ZMIZ2: variants seen among roughly 807,000 people sequenced by gnomAD.
The protein encoded by ZMIZ2 is zinc finger MIZ-type containing 2, also known as zinc finger MIZ domain-containing protein 2.
ZMIZ2 carries 26 observed loss-of-function variants against 93.9 expected under a neutral mutation model. That is an observed-to-expected ratio of 0.28 (90% CI 0.20 to 0.38). ZMIZ2 has a LOEUF of 0.38. Ranked by LOEUF, ZMIZ2 falls within the 10% of genes least tolerant of loss-of-function variation. ZMIZ2 has a pLI of 1.00. For synonymous variants in ZMIZ2, 485 were observed against 516.4 expected, an observed-to-expected ratio of 0.94 and a Z score of 0.82; for missense variants, 1,023 against 1,235.0, an observed-to-expected ratio of 0.83 and a Z score of 2.57.
Position 44,763,580 on chromosome 7 carries a change from A to C in ZMIZ2, c.1860+167A>C, listed in dbSNP as rs983862362. 67 of 826,164 alleles carry C rather than the reference A, an allele frequency of 8.1e-5. No individual in the cohort carries two copies. Among genetic ancestry groups the C allele is most frequent in the Non-Finnish European group, 2.6e-5 (14 of 544,954 alleles). The allele number at this position is 826,164 out of a possible 1,614,324, so 51.2% of individuals were successfully genotyped here. A position where few individuals can be genotyped will look rare whatever the true frequency, so the allele number is the denominator to read the frequency against. On this transcript the variant is annotated intron_variant, in intron 13 of 18. Coordinates refer to ENST00000309315, the MANE Select transcript of ZMIZ2 (RefSeq NM_031449.4). This position sits in a 1 kb window ranked among gnomAD's most constrained non-coding sequence, Gnocchi z 5.6. ...GAGGCAGGTGGGCCTGGCTCCCCCA[A>C]GACTAGGCTATTTTTTCTTCCAAAT...
intron 6 of ZMIZ2, 95 bp from the exon 7 acceptor site, chr7:44,759,186 C>A (rs1039103633): frequency 1.1e-5 from 13 of 1,214,880 alleles, no homozygotes; most frequent in Admixed American, 3.0e-5. Flanking sequence ...AATCTCCATT[C>A]CCCGAACCCT....
intron 6 of ZMIZ2, 141 bp downstream of exon 6, chr7:44,758,249 G>A: frequency 1.7e-6 from 2 of 1,144,136 alleles, no homozygotes; most frequent in South Asian, 2.3e-5. Flanking sequence ...GGAAACCAAG[G>A]AGGGTGGATC....
At chr7:44,751,403 G>GTGCTGCAGTTGGGGAGC (rs1311430064) in intron 1 of ZMIZ2, among the ~76,000 whole-genome samples, 2 of 152,250 alleles carry the variant, frequency 1.3e-5, no homozygotes, top group Non-Finnish European at 2.9e-5. Flanking sequence ...TGGTTTTGAT[G>GTGCTGCAGTTGGGGAGC]TGCTGCAGTT....
At position 44,766,316 on chromosome 7, in the gene ZMIZ2, G is replaced by A. The variant is rs1791702623; in HGVS notation, c.2395G>A (p.Ala799Thr). The change falls in exon 17 of 19, where the codon GCC (alanine) becomes ACC (threonine). Residue 799 changes from alanine to threonine, a missense_variant. Ala to Thr is a moderately conservative substitution (Grantham distance 58). Around this residue, in one of 3 missense-constraint regions of ZMIZ2, gnomAD observed 319 missense variants for 358.8 expected, o/e 0.89. Transcript: ENST00000309315. This position sits in a 1 kb window ranked among gnomAD's most constrained non-coding sequence, Gnocchi z 4.4. The part of the protein sequence containing the change: ...SSLLTSEKST[A>T]CLPSQMAPAG... ...CCTCCTGACTTCAGAGAAGTCTACC[G>A]CCTGCCTCCCAAGCCAGGTCAGTGC... 6.3e-6 allele frequency: 10 copies of A among 1,593,312 alleles called. No individual in the cohort carries two copies. Among genetic ancestry groups the A allele is most frequent in the South Asian group, 5.7e-5 (5 of 87,662 alleles).
rs768395761 is a variant in ZMIZ2 at position 44,767,625 on chromosome 7, C to T, written c.*2C>T. On this transcript the variant is annotated 3_prime_UTR_variant, in exon 19 of 19. Coordinates refer to ENST00000309315, the MANE Select transcript of ZMIZ2 (RefSeq NM_031449.4). ...CTTTCTCTGTTTGAGAACAACTGAT[C>T]CTGTGTTTACCCCAAGCCCGGCGGG... 2.5e-6 allele frequency: 4 copies of T among 1,613,610 alleles called. No homozygotes were observed. The Admixed American group carries it at 6.7e-5, about 27-fold the overall frequency.
Position 44,766,529 on chromosome 7 carries a change from C to A in ZMIZ2, c.2521C>A (p.Pro841Thr). 2 of 1,614,122 alleles carry A rather than the reference C, an allele frequency of 1.2e-6. No homozygotes were observed. The highest frequency in any genetic ancestry group is 4.5e-5 in the East Asian group (2 of 44,880). Reference sequence around the variant, plus strand: ...TCCCCAGCTGCACCATTCAAACCCTCCCCCAGCGTCCCGGCAGTCCTTGGG... The same window carrying A: ...TCCCCAGCTGCACCATTCAAACCCTACCCCAGCGTCCCGGCAGTCCTTGGG... ...PGPQLHHSNP[P>T]PASRQSLGQA... Residue 841 changes from proline (P) to threonine (T), a missense_variant, in exon 18 of 19, where the codon CCC becomes ACC. Pro to Thr is a conservative substitution (Grantham distance 38). This residue lies in a region of ZMIZ2 where 319 missense variants were observed against 358.8 expected (regional missense o/e 0.89). Coordinates refer to ENST00000309315, the MANE Select transcript of ZMIZ2 (RefSeq NM_031449.4). The surrounding 1 kb of genome is among the most constrained non-coding windows in gnomAD (Gnocchi z 4.4).
rs750835591 is a variant in ZMIZ2 at position 44,763,275 on chromosome 7, C to A, written c.1722C>A (p.Ser574Arg). 1 of 1,613,982 alleles carries A rather than the reference C, an allele frequency of 6.2e-7. No homozygotes were observed. The change falls in exon 13 of 19, where the codon AGC becomes AGA. Residue 574 changes from serine to arginine, a missense_variant. By Grantham distance (110) the Ser-to-Arg change is moderately radical. This residue lies in a region of ZMIZ2 where 656 missense variants were observed against 777.1 expected (regional missense o/e 0.84). Coordinates refer to ENST00000309315, the MANE Select transcript of ZMIZ2 (RefSeq NM_031449.4). This position sits in a 1 kb window ranked among gnomAD's most constrained non-coding sequence, Gnocchi z 5.6. ...CITKIKRNFS[S>R]GTIPGTPGPN... is the part of the protein sequence containing the mutation. Reference sequence around the variant, plus strand: ...TGTCAGTAAAGCGGAACTTCAGCAGCGGCACCATCCCTGGCACCCCTGGGC... The same window carrying A: ...TGTCAGTAAAGCGGAACTTCAGCAGAGGCACCATCCCTGGCACCCCTGGGC...
At position 44,760,436 on chromosome 7, in the gene ZMIZ2, C is replaced by T; in HGVS notation, c.1083C>T (p.Ser361=). ...SQPGLSGPTR[S]IPGYPSSPLP... is the part of the protein sequence containing the mutation. ...GCTCAACCCTACAGCCTACCCGTTC[C>T]ATCCCGGGCTATCCCAGTTCCCCAC... is the stretch of plus-strand genomic sequence containing the variant. The change falls in exon 9 of 19, where the codon TCC becomes TCT. Residue 361 remains serine, a synonymous_variant. Transcript: ENST00000309315. The T allele has an allele frequency of 6.2e-7, 1 of 1,614,044 alleles. No homozygotes were observed. The highest frequency in any genetic ancestry group is 8.5e-7 in the Non-Finnish European group (1 of 1,179,960).
At chr7:44,759,615 A>C in intron 7 of ZMIZ2, 155 bp downstream of exon 7, 10 of 140,198 alleles carry the variant, frequency 7.1e-5, no homozygotes, top group South Asian at 1.3e-4. Context: ...ACAGCTCTAC[A>C]GGAGATGGGG....
At chr7:44,755,048 C>T (rs1288772932) in intron 1 of ZMIZ2, among the ~76,000 whole-genome samples, 1 of 152,138 alleles carries the variant, frequency 6.6e-6, no homozygotes, top group Non-Finnish European at 1.5e-5. Flanking sequence ...GAAGGCGTGG[C>T]ACTCAGAAGC....
In ZMIZ2 at chr7:44,765,915, G is replaced by C; in HGVS notation, c.2243-249G>C. On this transcript the variant is annotated intron_variant, in intron 16 of 18. Transcript: ENST00000309315. The surrounding 1 kb of genome is among the most constrained non-coding windows in gnomAD (Gnocchi z 4.1). Reference sequence around the variant, plus strand: ...GGGACCCACCTCACACGCGTGGTGCGTTTGTTTGTGGCTGCTCCCATTCCT... The same window carrying C: ...GGGACCCACCTCACACGCGTGGTGCCTTTGTTTGTGGCTGCTCCCATTCCT... 1 of 1,392,574 alleles carries C rather than the reference G, an allele frequency of 7.2e-7. No homozygotes were observed. The highest frequency in any genetic ancestry group is 9.3e-7 in the Non-Finnish European group (1 of 1,077,394). 86.3% of individuals were successfully genotyped at this position (1,392,574 alleles called of 1,614,324 possible).
chr7:44,758,913 C>CA (rs898517700), intron 6 of ZMIZ2, among the ~76,000 whole-genome samples: 1,227 of 77,380 alleles, frequency 0.016, 27 homozygotes, highest in African/African-American at 0.032. Context: ...GACTCCATCT[C>CA]AAAAAAAAAA....
chr7:44,759,482 C>T, intron 7 of ZMIZ2, 22 bp downstream of exon 7: 1 of 1,455,360 alleles, frequency 6.9e-7, no homozygotes, highest in Admixed American at 2.5e-5. Context: ...TCCTCCAGGC[C>T]CTGTGCCGGG....
rs1790651483 is a variant in ZMIZ2, at chr7:44,756,978, G to A, written c.197G>A (p.Ser66Asn). The A allele has an allele frequency of 6.2e-7, 1 of 1,612,294 alleles. No homozygotes were observed. ...VLGNPMGPAG[S>N]PSGSSMMPGV... ...GGGAACCCCATGGGCCCTGCAGGGAGTCCCTCTGGCAGCTCCATGATGCCT... is the reference window on the plus strand; with the variant it reads ...GGGAACCCCATGGGCCCTGCAGGGAATCCCTCTGGCAGCTCCATGATGCCT... Residue 66 changes from serine to asparagine, a missense_variant, in exon 4 of 19, where the codon AGT becomes AAT. Transcript: ENST00000309315.
rs771896342 is a variant in ZMIZ2, at chr7:44,757,568, C to T, written c.552+7C>T. 109 of 1,582,268 alleles carry T rather than the reference C, an allele frequency of 6.9e-5. No homozygotes were observed. The highest frequency in any genetic ancestry group is 7.7e-5 in the Non-Finnish European group (89 of 1,161,598). On this transcript the variant is annotated splice_region_variant and intron_variant, in intron 5 of 18. Coordinates refer to ENST00000309315, the MANE Select transcript of ZMIZ2 (RefSeq NM_031449.4). ...GCTGAGCCAGTATGGAGCGGTGAGC[C>T]CCCTCAGCAGCTCCTCCCACATGGC...
rs1016214315 is a variant in ZMIZ2, at chr7:44,756,846, C to A, written c.166-101C>A. ...ATACCCTGTCCCCCCCACCTCTCCC[C>A]CAACCCACTTGCCAGGCCTGTTGGT... On this transcript the variant is annotated intron_variant, in intron 3 of 18. Coordinates refer to ENST00000309315, the MANE Select transcript of ZMIZ2 (RefSeq NM_031449.4). The A allele has an allele frequency of 8.9e-6, 13 of 1,460,998 alleles. No homozygotes were observed. In the African/African-American group the frequency reaches 1.6e-4, roughly 18 times the overall value. 90.5% of individuals were successfully genotyped at this position (1,460,998 alleles called of 1,614,324 possible).
rs1562748658 is a variant in ZMIZ2, at chr7:44,765,686, C to G, written c.2242+107C>G. ...AGAATGTGGCTATGCAGGTCACACA[C>G]CTAGGTTATCAGTGTTGCCACACAA... On this transcript the variant is annotated intron_variant, in intron 16 of 18. Coordinates refer to ENST00000309315, the MANE Select transcript of ZMIZ2 (RefSeq NM_031449.4). This position sits in a 1 kb window ranked among gnomAD's most constrained non-coding sequence, Gnocchi z 4.1. The G allele has an allele frequency of 6.8e-7, 1 of 1,463,596 alleles. No individual in the cohort carries two copies. Among genetic ancestry groups the G allele is most frequent in the African/African-American group, 1.4e-5 (1 of 71,622 alleles). 90.7% of individuals were successfully genotyped at this position (1,463,596 alleles called of 1,614,324 possible). A position where few individuals can be genotyped will look rare whatever the true frequency, so the allele number is the denominator to read the frequency against.
intron 11 of ZMIZ2, among the ~76,000 whole-genome samples, chr7:44,762,222 C>T (rs960110215): frequency 6.6e-6 from 1 of 152,252 alleles, no homozygotes; most frequent in Non-Finnish European, 1.5e-5. Context: ...TTTAATCTGT[C>T]ATCCTTGCCC....
At chr7:44,759,084 T>TAAAAAA (rs71563954) in intron 6 of ZMIZ2, among the ~76,000 whole-genome samples, 197 bp from the exon 7 acceptor site, 5 of 97,498 alleles carry the variant, frequency 5.1e-5, no homozygotes, top group Non-Finnish European at 5.8e-5. Flanking sequence ...TGTCTCAAAT[T>TAAAAAA]AAAAAAAAAA....
Sources: allele counts gnomAD v4.1 joint callset (sites outside exome capture counted in the v4.1 genomes callset), GRCh38; gene constraint gnomAD v4.1.1; regional missense constraint gnomAD v4.1.1; non-coding constraint Gnocchi (gnomAD v3.1); transcripts MANE v1.5; gene names NCBI Gene and HGNC (gene_info 2026-07-23, HGNC 2026-07-21).